KPNA6: variants seen among roughly 807,000 people sequenced by gnomAD.
KPNA6 encodes the protein karyopherin subunit alpha 6.
In KPNA6, 9 loss-of-function variants were observed where a neutral mutation model predicts 72.0. The observed-to-expected ratio is 0.13, with a 90% CI of 0.08 to 0.22. KPNA6 has a LOEUF of 0.22. Among genes scored for constraint, KPNA6 ranks in the 10% least tolerant of loss-of-function variants. The pLI is 1.00. For synonymous variants in KPNA6, 219 were observed against 242.1 expected, an observed-to-expected ratio of 0.90 and a Z score of 0.89; for missense variants, 374 against 655.7, an observed-to-expected ratio of 0.57 and a Z score of 4.69.
chr1:32,110,056 ATT>A (rs750004100), intron 1 of KPNA6, among the ~76,000 whole-genome samples: 7 of 118,312 alleles, frequency 5.9e-5, no homozygotes, highest in Non-Finnish European at 6.9e-5. Context: ...CTGGAATTGA[ATT>A]TTTTTTTTTT....
intron 1 of KPNA6, among the ~76,000 whole-genome samples, chr1:32,136,410 G>C (rs969035750): frequency 1.3e-5 from 2 of 152,100 alleles, no homozygotes; most frequent in Non-Finnish European, 2.9e-5. Context: ...CTGAACTGAG[G>C]TGATCTGTCC....
intron 1 of KPNA6, among the ~76,000 whole-genome samples, chr1:32,141,620 C>T (rs1276954253): frequency 3.3e-5 from 5 of 151,820 alleles, no homozygotes; most frequent in Admixed American, 3.3e-4. Context: ...TGGTCTTGAA[C>T]TCCTGAACTC....
rs578262701 is a variant in KPNA6 at position 32,137,629 on chromosome 1, T to C, written c.5-16959T>C. Among the ~76,000 whole-genome samples, 8 of 152,366 alleles carry C rather than the reference T, an allele frequency of 5.3e-5. No homozygotes were observed. In the East Asian group the frequency reaches 1.5e-3, roughly 29 times the overall value. On this transcript the variant is annotated intron_variant, in intron 1 of 13. Coordinates refer to ENST00000373625, the MANE Select transcript of KPNA6 (RefSeq NM_012316.5). ...TTTGAGGGCATGCTGTGTACTTTGC[T>C]ATAGACGCAAAGATAAGTAAAAGAG...
intron 11 of KPNA6, 31 bp downstream of exon 11, chr1:32,166,261 G>A (rs1481568730): frequency 6.3e-7 from 1 of 1,593,260 alleles, no homozygotes; most frequent in Admixed American, 1.9e-5. Context: ...AAGGGGCATG[G>A]GAAGTCATAG....
intron 1 of KPNA6, among the ~76,000 whole-genome samples, chr1:32,126,581 C>T (rs1450825934): frequency 5.9e-5 from 9 of 151,966 alleles, no homozygotes; most frequent in Non-Finnish European, 1.3e-4. Flanking sequence ...GACGAGGTTT[C>T]ACCATGTTGG....
intron 1 of KPNA6, among the ~76,000 whole-genome samples, chr1:32,119,028 A>ATTTT (rs1197600051): frequency 6.0e-4 from 38 of 63,174 alleles, no homozygotes; most frequent in Admixed American, 1.6e-3. Flanking sequence ...ATATATATAT[A>ATTTT]TATATTTTTT....
rs71006332 is a variant in KPNA6, at chr1:32,119,032, A to ATTT, written c.4+10913_4+10915dup. ...TATATATATATATATATATATATAT[A>ATTT]TTTTTTTTTTTTTTTTTGAGAGAGA... On this transcript the variant is annotated intron_variant, in intron 1 of 13. Transcript: ENST00000373625. Among the ~76,000 whole-genome samples the ATTT allele has an allele frequency of 2.0e-3, 79 of 40,266 alleles. 4 individuals carry two copies. Among genetic ancestry groups the ATTT allele is most frequent in the African/African-American group, 5.7e-3 (57 of 9,930 alleles). The allele number at this position is 40,266 out of a possible 152,430, so 26.4% of individuals were successfully genotyped here.
chr1:32,155,134 GAAAA>G (rs1642114357), intron 2 of KPNA6, among the ~76,000 whole-genome samples: 1 of 88,894 alleles, frequency 1.1e-5, no homozygotes, highest in Non-Finnish European at 2.4e-5. Flanking sequence ...AAAAAAAAAA[GAAAA>G]GTAGCTTACT....
intron 1 of KPNA6, among the ~76,000 whole-genome samples, chr1:32,149,780 A>G (rs1251040854): frequency 1.3e-5 from 2 of 152,134 alleles, no homozygotes; most frequent in Non-Finnish European, 2.9e-5. Flanking sequence ...TTTATCTGAA[A>G]AAGTCTTTAT....
chr1:32,136,180 TC>T (rs1391802799), intron 1 of KPNA6, among the ~76,000 whole-genome samples: 1 of 148,606 alleles, frequency 6.7e-6, no homozygotes, highest in Non-Finnish European at 1.5e-5. Context: ...CTAGCTTCTC[TC>T]TTTTTTTTTT....
In KPNA6 at chr1:32,156,838, T is replaced by A. The variant is rs1229377821; in HGVS notation, c.139-15T>A. On this transcript the variant is annotated splice_polypyrimidine_tract_variant and intron_variant, in intron 2 of 13. Transcript: ENST00000373625. ...GTTCAGAGAGTACTCTTAACCACTGTCTCTTTACTTTCAGCTTTTTAAACG... is the reference window on the plus strand; with the variant it reads ...GTTCAGAGAGTACTCTTAACCACTGACTCTTTACTTTCAGCTTTTTAAACG... 6.2e-7 allele frequency: 1 copy of A among 1,600,122 alleles called. No individual in the cohort carries two copies. The highest frequency in any genetic ancestry group is 1.7e-5 in the Admixed American group (1 of 59,954).
In KPNA6 at chr1:32,162,604, A is replaced by G. The variant is rs1188134239; in HGVS notation, c.911+80A>G. On this transcript the variant is annotated intron_variant, in intron 9 of 13. Transcript: ENST00000373625. ...ATAATCCCAGCACTTTGGGATGCCA[A>G]GGTGGGCGGATCACAAGGTCAGGAG... 23 of 1,477,950 alleles carry G rather than the reference A, an allele frequency of 1.6e-5. No individual in the cohort carries two copies. The East Asian group carries it at 1.6e-4, about 10-fold the overall frequency. The allele number at this position is 1,477,950 out of a possible 1,614,324, so 91.6% of individuals were successfully genotyped here.
Position 32,166,105 on chromosome 1 carries a change from G to T in KPNA6, c.991G>T (p.Val331Phe). 6.2e-7 allele frequency: 1 copy of T among 1,606,430 alleles called. No homozygotes were observed. The highest frequency in any genetic ancestry group is 8.5e-7 in the Non-Finnish European group (1 of 1,177,926). The change falls in exon 11 of 14, where the codon GTC becomes TTC. Residue 331 changes from valine (V) to phenylalanine (F), a missense_variant and splice_region_variant. This residue lies in a region of KPNA6 where 298 missense variants were observed against 495.4 expected (regional missense o/e 0.60). Coordinates refer to ENST00000373625, the MANE Select transcript of KPNA6 (RefSeq NM_012316.5). Reference sequence around the variant, plus strand: ...GTTTCCTGTGCTTTTGGTGTTCTAGGTCATTCTTAACTGTTCAGCCCTACC... The same window carrying T: ...GTTTCCTGTGCTTTTGGTGTTCTAGTTCATTCTTAACTGTTCAGCCCTACC... ...IVTGDDIQTQVILNCSALPCL... is the reference protein window; with the variant it reads ...IVTGDDIQTQFILNCSALPCL...
chr1:32,157,195 A>G, intron 3 of KPNA6, 151 bp from the exon 4 acceptor site: 1 of 628,132 alleles, frequency 1.6e-6, no homozygotes, highest in South Asian at 2.0e-5. Flanking sequence ...AACTTGAAGC[A>G]CCTATAGATT....
At chr1:32,146,565 G>C (rs1429999783) in intron 1 of KPNA6, among the ~76,000 whole-genome samples, 1 of 152,084 alleles carries the variant, frequency 6.6e-6, no homozygotes, top group Non-Finnish European at 1.5e-5. Flanking sequence ...ATCAATACCA[G>C]CTTAATTCAG....
At chr1:32,110,028 G>T (rs1447246015) in intron 1 of KPNA6, among the ~76,000 whole-genome samples, 2 of 151,038 alleles carry the variant, frequency 1.3e-5, no homozygotes, top group African/African-American at 4.9e-5. Flanking sequence ...TTGTGTGTGG[G>T]GCAAGCAAAA....
chr1:32,132,911 A>C (rs553474977), intron 1 of KPNA6, among the ~76,000 whole-genome samples: 2 of 150,078 alleles, frequency 1.3e-5, no homozygotes, highest in Admixed American at 1.3e-4. Context: ...TCAAAGAAAA[A>C]ATATATACAT....
chr1:32,143,145 C>T (rs1557471315), intron 1 of KPNA6: 2 of 489,046 alleles, frequency 4.1e-6, no homozygotes, highest in East Asian at 1.5e-4. Context: ...TCACTTGCAG[C>T]CTCAACCTCC....
intron 2 of KPNA6, among the ~76,000 whole-genome samples, chr1:32,155,743 T>C (rs899211785): frequency 2.7e-5 from 4 of 147,856 alleles, no homozygotes; most frequent in Admixed American, 2.1e-4. Context: ...TATTTATTTA[T>C]TGAGACAAGG....
Sources: gnomAD v4.1 joint callset for allele counts (sites outside exome capture counted in the v4.1 genomes callset) on GRCh38, gnomAD v4.1.1 for gene constraint, gnomAD v4.1.1 regional missense constraint, MANE v1.5 for transcripts, NCBI Gene and HGNC (gene_info 2026-07-23, HGNC 2026-07-21) for gene names.